The following TIFAB variants were observed in gnomAD, a reference collection of about 807,000 sequenced individuals.
TIFAB encodes the protein TIFA inhibitor.
For missense variants in TIFAB, 222 were observed against 203.6 expected, an observed-to-expected ratio of 1.09 and a Z score of -0.55; for synonymous variants, 116 against 95.2, an observed-to-expected ratio of 1.22 and a Z score of -1.27.
chr5:135,447,049 T>A lies in TIFAB; in HGVS notation c.*2405A>T, dbSNP rs747116129. 4 of 1,613,910 alleles carry A rather than the reference T, an allele frequency of 2.5e-6. No individual in the cohort carries two copies. The highest frequency in any genetic ancestry group is 3.4e-6 in the Non-Finnish European group (4 of 1,179,904). On this transcript the variant is annotated 3_prime_UTR_variant, in exon 2 of 2. Coordinates refer to ENST00000537858, the MANE Select transcript of TIFAB (RefSeq NM_001099221.2). ...CTCTCTCCAGTCTTTGGTGTCCAGG[T>A]ACAGTCTCCAGGCCGTGGCTTCTCG...
chr5:135,447,302 A>C lies in TIFAB; in HGVS notation c.*2152T>G. ...CTACCAGGTCCGTGGCTACAACTAA[A>C]TCCCTAGTTGGGGAATCACAGAGCA... On this transcript the variant is annotated 3_prime_UTR_variant, in exon 2 of 2. Transcript: ENST00000537858. The C allele has an allele frequency of 6.0e-6, 4 of 661,260 alleles. No homozygotes were observed. The highest frequency in any genetic ancestry group is 5.2e-6 in the Non-Finnish European group (2 of 382,360). 41.0% of individuals were successfully genotyped at this position (661,260 alleles called of 1,614,324 possible).
In TIFAB at chr5:135,449,220, A is replaced by T; in HGVS notation, c.*234T>A. 1 of 633,960 alleles carries T rather than the reference A, an allele frequency of 1.6e-6. No individual in the cohort carries two copies. Among genetic ancestry groups the T allele is most frequent in the Non-Finnish European group, 2.6e-6 (1 of 378,408 alleles). 39.3% of individuals were successfully genotyped at this position (633,960 alleles called of 1,614,324 possible). On this transcript the variant is annotated 3_prime_UTR_variant, in exon 2 of 2. Transcript: ENST00000537858. ...TGTTCGGTGTTTGCAGAATTGGTTC[A>T]TTATGAGCAAGGCAGCCAGTGGGTT...
In TIFAB at chr5:135,444,870, A is replaced by G. The variant is rs771828699; in HGVS notation, c.*4584T>C. ...TGCTGTGAAACTGTTAAAGCCACCC[A>G]TCCTATGAAACTCACTCCTTTGGGT... On this transcript the variant is annotated 3_prime_UTR_variant, in exon 2 of 2. Coordinates refer to ENST00000537858, the MANE Select transcript of TIFAB (RefSeq NM_001099221.2). The G allele has an allele frequency of 6.6e-6, 1 of 152,282 alleles. No homozygotes were observed. Among genetic ancestry groups the G allele is most frequent in the Non-Finnish European group, 1.5e-5 (1 of 68,098 alleles). The allele number at this position is 152,282 out of a possible 1,614,324, so 9.4% of individuals were successfully genotyped here.
Position 135,446,450 on chromosome 5 carries a change from C to T in TIFAB, c.*3004G>A. The T allele has an allele frequency of 6.2e-7, 1 of 1,613,732 alleles. No individual in the cohort carries two copies. The highest frequency in any genetic ancestry group is 1.1e-5 in the South Asian group (1 of 91,080). ...AGGTTGTTGGGAGGAACTCACCCGC[C>T]TGCTCTGGCTGTCTGAGCAGGTGAG... On this transcript the variant is annotated 3_prime_UTR_variant, in exon 2 of 2. Coordinates refer to ENST00000537858, the MANE Select transcript of TIFAB (RefSeq NM_001099221.2).
chr5:135,451,253 G>T (rs1769358265), intron 1 of TIFAB, among the ~76,000 whole-genome samples: 1 of 152,218 alleles, frequency 6.6e-6, no homozygotes, highest in Admixed American at 6.5e-5. Flanking sequence ...GTGGGACAGC[G>T]AGCCTGTTGC....
chr5:135,451,485 CT>C (rs572037192), intron 1 of TIFAB, among the ~76,000 whole-genome samples: 263 of 142,160 alleles, frequency 1.9e-3, no homozygotes, highest in Non-Finnish European at 2.5e-3. Context: ...TCTTTTTTTT[CT>C]TTTTTTTTTT....
At chr5:135,450,729 T>G (rs556356688) in intron 1 of TIFAB, 2 of 152,328 alleles carry the variant, frequency 1.3e-5, no homozygotes, top group East Asian at 3.9e-4. Context: ...AAGGGTTGAG[T>G]GGATTTGAAT....
rs146257733 is a variant in TIFAB at position 135,446,165 on chromosome 5, G to A, written c.*3289C>T. The A allele has an allele frequency of 2.7e-4, 161 of 590,864 alleles. 1 individual carries two copies. The highest frequency in any genetic ancestry group is 1.4e-3 in the East Asian group (45 of 31,602). The allele number at this position is 590,864 out of a possible 1,614,324, so 36.6% of individuals were successfully genotyped here. ...GGAGGTAAGTACTGTGAACTTTCCC[G>A]TTTTCTACAAGAAGAAACTGTGGCA... On this transcript the variant is annotated 3_prime_UTR_variant, in exon 2 of 2. Coordinates refer to ENST00000537858, the MANE Select transcript of TIFAB (RefSeq NM_001099221.2).
rs1462527842 is a variant in TIFAB at position 135,445,256 on chromosome 5, C to G, written c.*4198G>C. The G allele has an allele frequency of 6.6e-6, 1 of 152,166 alleles. No homozygotes were observed. The highest frequency in any genetic ancestry group is 6.5e-5 in the Admixed American group (1 of 15,278). The allele number at this position is 152,166 out of a possible 1,614,324, so 9.4% of individuals were successfully genotyped here. A position where few individuals can be genotyped will look rare whatever the true frequency, so the allele number is the denominator to read the frequency against. On this transcript the variant is annotated 3_prime_UTR_variant, in exon 2 of 2. Transcript: ENST00000537858. ...AGTCACCACACAGAATCCCAAAACC[C>G]CAGGGTTCTGCTTGAGTTAGAGCTA...
chr5:135,449,871 G>A lies in TIFAB; in HGVS notation c.69C>T (p.Ala23=). 1 of 1,579,762 alleles carries A rather than the reference G, an allele frequency of 6.3e-7. No individual in the cohort carries two copies. The highest frequency in any genetic ancestry group is 8.6e-7 in the Non-Finnish European group (1 of 1,160,524). Residue 23 remains alanine, a synonymous_variant, in exon 2 of 2, where the codon GCC becomes GCT. Transcript: ENST00000537858. The stretch of plus-strand genomic sequence containing the variant: ...CATGCTGCAGCCGTGGTGGGACATT[G>A]GCAAAGGCAGATGGGCCCAGCGTGG... ...YHPTLGPSAF[A]NVPPRLQHDT...
chr5:135,449,645 G>A lies in TIFAB; in HGVS notation c.295C>T (p.Leu99=). 9.9e-6 allele frequency: 16 copies of A among 1,614,214 alleles called. No homozygotes were observed. Among genetic ancestry groups the A allele is most frequent in the Non-Finnish European group, 1.4e-5 (16 of 1,180,050 alleles). The change falls in exon 2 of 2, where the codon CTG becomes TTG. Residue 99 remains leucine, a synonymous_variant. Coordinates refer to ENST00000537858, the MANE Select transcript of TIFAB (RefSeq NM_001099221.2). ...LTLRYLEQVP[L]STVNRVSFSG... ...AAGGAGACCCTGTTGACGGTGCTCA[G>A]GGGGACCTGCTCCAGGTACCTCAGC...
Position 135,444,249 on chromosome 5 carries a change from G to T in TIFAB, c.*5205C>A, listed in dbSNP as rs920983558. 3 of 152,140 alleles carry T rather than the reference G, an allele frequency of 2.0e-5. No homozygotes were observed. Among genetic ancestry groups the T allele is most frequent in the Admixed American group, 6.5e-5 (1 of 15,272 alleles). 9.4% of individuals were successfully genotyped at this position (152,140 alleles called of 1,614,324 possible). On this transcript the variant is annotated 3_prime_UTR_variant, in exon 2 of 2. Transcript: ENST00000537858. ...GGTAGGTTTTATTTCACTTTAATCCGCCTGTGAGTTCACGTTAAAGGTAAG... is the reference window on the plus strand; with the variant it reads ...GGTAGGTTTTATTTCACTTTAATCCTCCTGTGAGTTCACGTTAAAGGTAAG...
Position 135,447,119 on chromosome 5 carries a change from C to A in TIFAB, c.*2335G>T, listed in dbSNP as rs745772002. 2.7e-5 allele frequency: 43 copies of A among 1,613,982 alleles called. No individual in the cohort carries two copies. The Admixed American group carries it at 4.0e-4, about 15-fold the overall frequency. ...TGCTCCGTAATGCATAGTTGGGGGA[C>A]CATTTTGGTCAGTGACAGATCACTG... is the stretch of plus-strand genomic sequence containing the variant. On this transcript the variant is annotated 3_prime_UTR_variant, in exon 2 of 2. Coordinates refer to ENST00000537858, the MANE Select transcript of TIFAB (RefSeq NM_001099221.2).
Position 135,449,512 on chromosome 5 carries a change from T to TTA in TIFAB, c.427_428insTA (p.Glu143ValfsTer74). On this transcript the variant is annotated frameshift_variant, in exon 2 of 2. Coordinates refer to ENST00000537858, the MANE Select transcript of TIFAB (RefSeq NM_001099221.2). LOFTEE classifies it low-confidence loss of function (END_TRUNC). ...GATGCCTTCCCATTCGTCAGTTTCC[T>TTA]CAGCCTCAGGTCTGTAAATCAGGGG... The TTA allele has an allele frequency of 6.2e-7, 1 of 1,614,196 alleles. No homozygotes were observed. Among genetic ancestry groups the TTA allele is most frequent in the South Asian group, 1.1e-5 (1 of 91,086 alleles).
Position 135,449,271 on chromosome 5 carries a change from G to T in TIFAB, c.*183C>A. Reference sequence around the variant, plus strand: ...TTGCTTGTCAACCTTGCATGATGCAGCTCAAGTATTTCAAATCCTGTTTCA... The same window carrying T: ...TTGCTTGTCAACCTTGCATGATGCATCTCAAGTATTTCAAATCCTGTTTCA... On this transcript the variant is annotated 3_prime_UTR_variant, in exon 2 of 2. Transcript: ENST00000537858. The T allele has an allele frequency of 1.1e-6, 1 of 896,026 alleles. No individual in the cohort carries two copies. Among genetic ancestry groups the T allele is most frequent in the Non-Finnish European group, 1.6e-6 (1 of 608,148 alleles). The allele number at this position is 896,026 out of a possible 1,614,324, so 55.5% of individuals were successfully genotyped here. A position where few individuals can be genotyped will look rare whatever the true frequency, so the allele number is the denominator to read the frequency against.
Position 135,446,421 on chromosome 5 carries a change from G to A in TIFAB, c.*3033C>T. 1 of 1,612,244 alleles carries A rather than the reference G, an allele frequency of 6.2e-7. No homozygotes were observed. Among genetic ancestry groups the A allele is most frequent in the East Asian group, 2.2e-5 (1 of 44,752 alleles). On this transcript the variant is annotated 3_prime_UTR_variant, in exon 2 of 2. Transcript: ENST00000537858. ...CTGCGGTGGGAGCTGAGAGAATGCA[G>A]TGGAGGTTGTTGGGAGGAACTCACC...
chr5:135,450,140 A>G (rs974323825), intron 1 of TIFAB, among the ~76,000 whole-genome samples, 191 bp from the exon 2 acceptor site: 3 of 152,220 alleles, frequency 2.0e-5, no homozygotes, highest in African/African-American at 7.2e-5. Flanking sequence ...CATACTCTGA[A>G]TAGAACATGC....
At position 135,449,403 on chromosome 5, in the gene TIFAB, T is replaced by C. The variant is rs1769326335; in HGVS notation, c.*51A>G. 1 of 1,596,390 alleles carries C rather than the reference T, an allele frequency of 6.3e-7. No homozygotes were observed. Among genetic ancestry groups the C allele is most frequent in the Non-Finnish European group, 8.5e-7 (1 of 1,171,578 alleles). ...CCTCCAGGTCTTGGCTGGAGAGGGC[T>C]GTCCCAAGTCTGGGAAGGGCCGTGG... On this transcript the variant is annotated 3_prime_UTR_variant, in exon 2 of 2. Transcript: ENST00000537858.
At position 135,449,785 on chromosome 5, in the gene TIFAB, C is replaced by A. The variant is rs748670770; in HGVS notation, c.155G>T (p.Arg52Leu). The change falls in exon 2 of 2, where the codon CGC (arginine) becomes CTC (leucine). Residue 52 changes from arginine (R) to leucine (L), a missense_variant. Transcript: ENST00000537858. ...CAGGGACAGGTGACGGCGGGAGAGG[C>A]GAGGGAGCTGCAGCTGGAGGTGGGC... ...QDAHLQLQLP[R>L]LSRRHLSLEP... 6.2e-7 allele frequency: 1 copy of A among 1,611,088 alleles called. No individual in the cohort carries two copies.
Sources: allele counts gnomAD v4.1 joint callset (sites outside exome capture counted in the v4.1 genomes callset), GRCh38; gene constraint gnomAD v4.1.1; transcripts MANE v1.5; gene names NCBI Gene and HGNC (gene_info 2026-07-23, HGNC 2026-07-21).